The following PPEF1 variants were observed in gnomAD, a reference collection of about 807,000 sequenced individuals.
The protein encoded by PPEF1 is serine/threonine-protein phosphatase with EF-hands 1.
PPEF1 carries 12 observed loss-of-function variants against 53.3 expected under a neutral mutation model. The observed-to-expected ratio is 0.23, with a 90% CI of 0.14 to 0.36. The LOEUF is 0.36. Ranked by LOEUF, PPEF1 falls within the 10% of genes least tolerant of loss-of-function variation. The pLI is 1.00. For synonymous variants in PPEF1, 165 were observed against 176.7 expected (o/e 0.93, Z 0.52); for missense variants, 334 against 490.4 (o/e 0.68, Z 3.01).
chrX:18,797,250 T>C (rs1190810738), intron 10 of PPEF1, among the ~76,000 whole-genome samples: 1 of 112,351 alleles, frequency 8.9e-6, no homozygotes, highest in East Asian at 2.8e-4. Context: ...TATTTCTTAA[T>C]ATCTATGAGC....
At chrX:18,779,264 A>C (rs2046033678) in intron 7 of PPEF1, 88 bp downstream of exon 7, 1 of 889,600 alleles carries the variant, frequency 1.1e-6, no homozygotes, top group Non-Finnish European at 1.5e-6. Flanking sequence ...GATAGAAGTG[A>C]GTGTATTGGA....
chrX:18,762,673 A>G (rs753067888), intron 6 of PPEF1, among the ~76,000 whole-genome samples: 5 of 112,124 alleles, frequency 4.5e-5, no homozygotes, highest in African/African-American at 1.6e-4. Context: ...TAGACCACAT[A>G]GGGTAACTTC....
At chrX:18,813,326 CCAA>C (rs1315890759) in intron 12 of PPEF1, among the ~76,000 whole-genome samples, 1 of 103,907 alleles carries the variant, frequency 9.6e-6, no homozygotes, top group Non-Finnish European at 2.0e-5. Context: ...TTGCAGTGAG[CCAA>C]CATCACGCCA....
Position 18,733,822 on chromosome X carries a change from T to G in PPEF1, c.235+14T>G. 8.7e-7 allele frequency: 1 copy of G among 1,147,174 alleles called. No homozygotes were observed. The allele number at this position is 1,147,174 out of a possible 1,213,427, so 94.5% of individuals were successfully genotyped here. A position where few individuals can be genotyped will look rare whatever the true frequency, so the allele number is the denominator to read the frequency against. Reference sequence around the variant, plus strand: ...AGGAAGAGCTAGGTAAGTAAAAAGCTTAGTCTTTTCAAATGTGTCATTAAA... The same window carrying G: ...AGGAAGAGCTAGGTAAGTAAAAAGCGTAGTCTTTTCAAATGTGTCATTAAA... On this transcript the variant is annotated intron_variant, in intron 3 of 15. Coordinates refer to ENST00000470157, the MANE Select transcript of PPEF1 (RefSeq NM_001377996.1).
chrX:18,776,345 C>T (rs1210947224), intron 6 of PPEF1, among the ~76,000 whole-genome samples: 3 of 111,159 alleles, frequency 2.7e-5, no homozygotes, highest in Non-Finnish European at 5.7e-5. Flanking sequence ...GACAATCCTC[C>T]CACCTCAGCC....
intron 12 of PPEF1, among the ~76,000 whole-genome samples, chrX:18,816,836 G>A (rs1253074188): frequency 9.0e-6 from 1 of 111,147 alleles, no homozygotes; most frequent in East Asian, 2.8e-4. Flanking sequence ...TCTGCTATTG[G>A]TATGCCACTC....
intron 10 of PPEF1, among the ~76,000 whole-genome samples, chrX:18,794,940 T>G (rs1337745233): frequency 2.7e-5 from 3 of 112,449 alleles, no homozygotes; most frequent in Non-Finnish European, 3.8e-5. Flanking sequence ...ATTTAGTAAG[T>G]TTTCTTAAAT....
intron 4 of PPEF1, among the ~76,000 whole-genome samples, chrX:18,697,595 G>T (rs1020666365): frequency 3.6e-5 from 4 of 110,444 alleles, no homozygotes; most frequent in African/African-American, 1.3e-4. Context: ...GGAGTGTCTC[G>T]TACCTGTTTT....
At chrX:18,822,548 G>A (rs754155170) in intron 13 of PPEF1, among the ~76,000 whole-genome samples, 3 of 107,134 alleles carry the variant, frequency 2.8e-5, no homozygotes, top group Non-Finnish European at 5.8e-5. Flanking sequence ...TTGCTCTGTC[G>A]CCCAGGCTGG....
chrX:18,745,983 G>C (rs886699561), intron 3 of PPEF1, among the ~76,000 whole-genome samples: 10 of 111,967 alleles, frequency 8.9e-5, no homozygotes, highest in Admixed American at 4.8e-4. Flanking sequence ...AGAAATTGTT[G>C]TATAAAAATT....
At chrX:18,676,594 G>A (rs773551452) in intron 1 of PPEF1, among the ~76,000 whole-genome samples, 1 of 111,267 alleles carries the variant, frequency 9.0e-6, no homozygotes, top group Non-Finnish European at 1.9e-5. Flanking sequence ...GTTCCTGAGA[G>A]CTCCACGTTT....
intron 4 of PPEF1, among the ~76,000 whole-genome samples, chrX:18,694,096 A>G (rs1462755011): frequency 9.0e-6 from 1 of 111,645 alleles, no homozygotes; most frequent in East Asian, 2.8e-4. Flanking sequence ...TCCACTCAGC[A>G]TAATGCCTTT....
At chrX:18,743,082 A>G (rs2045221460) in intron 3 of PPEF1, among the ~76,000 whole-genome samples, 1 of 112,090 alleles carries the variant, frequency 8.9e-6, no homozygotes, top group African/African-American at 3.2e-5. Context: ...AGAGATATCC[A>G]TCTCTTCCTC....
intron 4 of PPEF1, among the ~76,000 whole-genome samples, chrX:18,697,604 T>C: frequency 9.0e-6 from 1 of 111,225 alleles, no homozygotes. Context: ...CGTACCTGTT[T>C]TATTAGATAT....
chrX:18,679,234 C>T (rs1196311826), upstream of PPEF1, among the ~76,000 whole-genome samples: 4 of 111,532 alleles, frequency 3.6e-5, no homozygotes, highest in Non-Finnish European at 5.7e-5. Context: ...CCACCACATC[C>T]GGCTGATTTT....
upstream of PPEF1, among the ~76,000 whole-genome samples, chrX:18,675,483 G>T (rs1311652231): frequency 8.8e-6 from 1 of 113,395 alleles, no homozygotes; most frequent in Non-Finnish European, 1.9e-5. Context: ...TTGCCCGAGG[G>T]TGTGGACCTC....
Position 18,784,016 on chromosome X carries a change from T to G in PPEF1, c.880T>G (p.Leu294Val), listed in dbSNP as rs890449475. The change falls in exon 9 of 16, where the codon TTG becomes GTG. Residue 294 changes from leucine to valine, a missense_variant. Physicochemically the swap from Leu to Val is conservative, Grantham distance 32. Transcript: ENST00000470157. ...IHGGISETTD[L>V]NLLHRVERNK... Reference sequence around the variant, plus strand: ...TGGTGGGATATCAGAGACCACAGACTTGAATTTACTCCACCGTGTAGAGAG... The same window carrying G: ...TGGTGGGATATCAGAGACCACAGACGTGAATTTACTCCACCGTGTAGAGAG... 8.3e-6 allele frequency: 10 copies of G among 1,206,622 alleles called. No individual in the cohort carries two copies. The highest frequency in any genetic ancestry group is 9.0e-6 in the Non-Finnish European group (8 of 893,693).
At chrX:18,757,874 T>A in intron 5 of PPEF1, 133 bp downstream of exon 5, 1 of 411,203 alleles carries the variant, frequency 2.4e-6, no homozygotes, top group Non-Finnish European at 4.2e-6. Flanking sequence ...TCTATCATGA[T>A]AATACTGTTC....
intron 12 of PPEF1, among the ~76,000 whole-genome samples, chrX:18,814,362 T>G (rs2046863656): frequency 8.9e-6 from 1 of 111,991 alleles, no homozygotes; most frequent in African/African-American, 3.2e-5. Context: ...TACCTAGTAA[T>G]GGGATTGCTG....
Sources: gnomAD v4.1 joint callset for allele counts (sites outside exome capture counted in the v4.1 genomes callset) on GRCh38, gnomAD v4.1.1 for gene constraint, MANE v1.5 for transcripts, NCBI Gene and HGNC (gene_info 2026-07-23, HGNC 2026-07-21) for gene names.